Variants in CCSER1 observed in about 807,000 individuals in gnomAD.
CCSER1 encodes serine-rich coiled-coil domain-containing protein 1.
A neutral mutation model predicts 82.0 loss-of-function variants in CCSER1; 41 were observed. The ratio of observed to expected loss-of-function variants is 0.50; its 90% CI spans 0.39 to 0.65. The LOEUF (loss-of-function observed/expected upper bound fraction) is 0.65, where lower values mean the gene tolerates loss of function less well. Among genes scored for constraint, CCSER1 ranks in the 30% least tolerant of loss-of-function variants. The pLI, the probability that CCSER1 is intolerant of heterozygous loss-of-function variation, is 0.00. For synonymous variants in CCSER1, 414 were observed against 383.9 expected (o/e 1.08, Z -0.92); for missense variants, 1,119 against 1,064.2 (o/e 1.05, Z -0.72).
At chr4:91,488,194 G>C (rs1758326937) in intron 10 of CCSER1, among the ~76,000 whole-genome samples, 1 of 152,076 alleles carries the variant, frequency 6.6e-6, no homozygotes, top group African/African-American at 2.4e-5. Context: ...CAAAAATTAA[G>C]AGTTAAATGG....
At chr4:90,464,168 A>C (rs193015510) in intron 4 of CCSER1, among the ~76,000 whole-genome samples, 2,922 of 152,266 alleles carry the variant, frequency 0.019, 80 homozygotes, top group African/African-American at 0.067. Context: ...CTTCATTTCA[A>C]AGCTAAAAAT....
intron 9 of CCSER1, among the ~76,000 whole-genome samples, chr4:91,014,483 T>C (rs993017823): frequency 3.7e-5 from 5 of 134,480 alleles, no homozygotes; most frequent in African/African-American, 1.2e-4. Context: ...CTACATTCTT[T>C]AAATATTATA....
intron 8 of CCSER1, among the ~76,000 whole-genome samples, chr4:90,873,308 T>A (rs571888045): frequency 6.6e-6 from 1 of 152,212 alleles, no homozygotes; most frequent in East Asian, 1.9e-4. Flanking sequence ...TATTTTCAAA[T>A]AGAGTGTGTT....
chr4:91,328,401 T>G (rs1046626724), intron 10 of CCSER1, among the ~76,000 whole-genome samples: 1 of 152,124 alleles, frequency 6.6e-6, no homozygotes, highest in Non-Finnish European at 1.5e-5. Context: ...AGTACACATT[T>G]TTAAACAACC....
chr4:90,226,993 C>T (rs566999273), intron 1 of CCSER1, among the ~76,000 whole-genome samples: 1 of 152,226 alleles, frequency 6.6e-6, no homozygotes, highest in Non-Finnish European at 1.5e-5. Context: ...TTATTGCATT[C>T]CCTGCATTGT....
intron 10 of CCSER1, among the ~76,000 whole-genome samples, chr4:91,209,805 C>G (rs1180253868): frequency 9.2e-5 from 14 of 151,478 alleles, no homozygotes; most frequent in Non-Finnish European, 4.4e-5. Flanking sequence ...CCAATTCAGT[C>G]TAGGGAGGAT....
intron 8 of CCSER1, among the ~76,000 whole-genome samples, chr4:90,906,011 T>C (rs1725417554): frequency 6.6e-6 from 1 of 152,184 alleles, no homozygotes; most frequent in Non-Finnish European, 1.5e-5. Flanking sequence ...TACTGATGGC[T>C]GAATTAATAA....
intron 10 of CCSER1, among the ~76,000 whole-genome samples, chr4:91,418,377 A>G (rs1753504376): frequency 6.6e-6 from 1 of 151,734 alleles, no homozygotes; most frequent in Non-Finnish European, 1.5e-5. Flanking sequence ...CAAATAAATA[A>G]AATGTTAAAT....
intron 3 of CCSER1, among the ~76,000 whole-genome samples, chr4:90,369,625 T>C (rs1372607324): frequency 6.6e-6 from 1 of 151,924 alleles, no homozygotes; most frequent in Non-Finnish European, 1.5e-5. Context: ...GTGAGGTGGG[T>C]TTATTAATTG....
chr4:91,374,542 C>G (rs1228305190), intron 10 of CCSER1, among the ~76,000 whole-genome samples: 1 of 152,160 alleles, frequency 6.6e-6, no homozygotes, highest in Non-Finnish European at 1.5e-5. Flanking sequence ...AAACAAGATT[C>G]CTTTCAAATT....
intron 8 of CCSER1, chr4:90,839,008 G>C: frequency 6.2e-7 from 1 of 1,612,442 alleles, no homozygotes; most frequent in Non-Finnish European, 8.5e-7. Flanking sequence ...CGAATTTCTC[G>C]ATCTCAGCCA....
At chr4:91,018,602 A>G (rs1561474962) in intron 9 of CCSER1, among the ~76,000 whole-genome samples, 1 of 152,052 alleles carries the variant, frequency 6.6e-6, no homozygotes, top group Non-Finnish European at 1.5e-5. Context: ...CAAACACTGC[A>G]TAATGTGGCA....
chr4:90,398,057 G>A (rs538372497), intron 3 of CCSER1, among the ~76,000 whole-genome samples: 2 of 152,264 alleles, frequency 1.3e-5, no homozygotes, highest in African/African-American at 4.8e-5. Context: ...CAAGGTGATG[G>A]CAAGTTTGGT....
At chr4:90,482,594 A>C (rs1227341560) in intron 5 of CCSER1, among the ~76,000 whole-genome samples, 1 of 152,204 alleles carries the variant, frequency 6.6e-6, no homozygotes, top group Non-Finnish European at 1.5e-5. Context: ...TTGGTTTCAA[A>C]GAACATCTTT....
chr4:90,303,896 T>A (rs201359293), intron 1 of CCSER1, among the ~76,000 whole-genome samples: 43 of 149,370 alleles, frequency 2.9e-4, no homozygotes, highest in South Asian at 4.3e-4. Context: ...TTTCGCAACC[T>A]ACTCATCTGA....
intron 6 of CCSER1, among the ~76,000 whole-genome samples, chr4:90,648,321 GAA>G (rs1238582612): frequency 1.3e-5 from 2 of 151,062 alleles, no homozygotes; most frequent in African/African-American, 4.9e-5. Flanking sequence ...AAGAAAGAAA[GAA>G]AGAAAGAAAG....
rs1429996464 is a variant in CCSER1, at chr4:91,435,037, C to T, written c.2218-163535C>T. Among the ~76,000 whole-genome samples the T allele has an allele frequency of 1.6e-4, 25 of 152,032 alleles. 1 individual carries two copies. The highest frequency in any genetic ancestry group is 1.6e-3 in the Admixed American group (25 of 15,250). ...GTTCCATGATGTTTAATGAATTTAC[C>T]TGCTGGCATGTACATGGGCAATATC... is the stretch of plus-strand genomic sequence containing the variant. On this transcript the variant is annotated intron_variant, in intron 10 of 10. Transcript: ENST00000509176.
chr4:90,930,659 T>C (rs1268439467), intron 9 of CCSER1, among the ~76,000 whole-genome samples: 1 of 151,212 alleles, frequency 6.6e-6, no homozygotes, highest in African/African-American at 2.4e-5. Flanking sequence ...ACAGAAAGAA[T>C]TTTTACCACC....
intron 9 of CCSER1, among the ~76,000 whole-genome samples, chr4:90,966,125 G>A (rs376584856): frequency 6.6e-6 from 1 of 152,104 alleles, no homozygotes; most frequent in African/African-American, 2.4e-5. Context: ...CTGTAAAAAC[G>A]CTGTGAAGTG....
Sources: allele counts gnomAD v4.1 joint callset (sites outside exome capture counted in the v4.1 genomes callset), GRCh38; gene constraint gnomAD v4.1.1; transcripts MANE v1.5; gene names NCBI Gene and HGNC (gene_info 2026-07-23, HGNC 2026-07-21).